Variants in DNAH2 observed in about 807,000 individuals in gnomAD.
The protein encoded by DNAH2 is dynein axonemal heavy chain 2, also known as axonemal beta dynein heavy chain 2.
DNAH2 carries 323 observed loss-of-function variants against 523.5 expected under a neutral mutation model. The ratio of observed to expected loss-of-function variants is 0.62; its 90% CI spans 0.56 to 0.68. The LOEUF (loss-of-function observed/expected upper bound fraction) is 0.68, where lower values mean the gene tolerates loss of function less well. Ranked by LOEUF, DNAH2 falls within the 30% of genes least tolerant of loss-of-function variation. DNAH2 has a pLI of 0.00. For synonymous variants in DNAH2, 2,093 were observed against 2,177.4 expected (o/e 0.96, Z 1.08); for missense variants, 4,907 against 5,701.5 (o/e 0.86, Z 4.49).
intron 56 of DNAH2, among the ~76,000 whole-genome samples, chr17:7,799,837 A>C (rs1291528483): frequency 1.3e-5 from 2 of 152,146 alleles, no homozygotes; most frequent in Non-Finnish European, 2.9e-5. Flanking sequence ...ACACACACAC[A>C]CACCCAAAAT....
intron 12 of DNAH2, among the ~76,000 whole-genome samples, chr17:7,755,348 CACAAT>C: frequency 3.3e-4 from 1 of 3,058 alleles, no homozygotes; most frequent in East Asian, 0.026. Flanking sequence ...CAGCCTTTCC[CACAAT>C]GACCTTCTCC....
chr17:7,719,451 T>C (rs1051596171), intron 1 of DNAH2, among the ~76,000 whole-genome samples: 3 of 152,078 alleles, frequency 2.0e-5, no homozygotes, highest in African/African-American at 4.8e-5. Flanking sequence ...TTAACTCCCA[T>C]TTGTTCCTAG....
chr17:7,805,054 G>T lies in DNAH2; in HGVS notation c.9280G>T (p.Ala3094Ser). ...AQKDLEEALP[A>S]LEEAMRALES... The stretch of plus-strand genomic sequence containing the variant: ...GAAAGATCTAGAAGAGGCACTGCCC[G>T]CCCTGGAAGAGGCCATGCGGGTACC... Residue 3094 changes from alanine to serine, a missense_variant, in exon 60 of 86, where the codon GCC becomes TCC. Coordinates refer to ENST00000572933, the MANE Select transcript of DNAH2 (RefSeq NM_020877.5). The T allele has an allele frequency of 1.2e-6, 2 of 1,614,026 alleles. No individual in the cohort carries two copies. Among genetic ancestry groups the T allele is most frequent in the South Asian group, 2.2e-5 (2 of 91,072 alleles).
chr17:7,727,525 G>A (rs1416946906), intron 4 of DNAH2, among the ~76,000 whole-genome samples: 2 of 152,046 alleles, frequency 1.3e-5, no homozygotes, highest in East Asian at 1.9e-4. Context: ...AGGCCGAGGC[G>A]GGTGGGCGGA....
At chr17:7,736,901 G>A (rs1328623700) in intron 7 of DNAH2, among the ~76,000 whole-genome samples, 166 bp from the exon 8 acceptor site, 1 of 152,202 alleles carries the variant, frequency 6.6e-6, no homozygotes, top group Non-Finnish European at 1.5e-5. Flanking sequence ...AGAATTGCTT[G>A]AACCTGGCAG....
At chr17:7,727,460 A>G (rs1402805493) in intron 4 of DNAH2, among the ~76,000 whole-genome samples, 168 bp downstream of exon 4, 1 of 152,190 alleles carries the variant, frequency 6.6e-6, no homozygotes, top group Non-Finnish European at 1.5e-5. Flanking sequence ...ATGACGCAAG[A>G]ACGCTGTCAT....
At chr17:7,752,536 C>T (rs1276541714) in intron 12 of DNAH2, among the ~76,000 whole-genome samples, 3 of 152,218 alleles carry the variant, frequency 2.0e-5, no homozygotes, top group Non-Finnish European at 4.4e-5. Context: ...TGGTGAAACC[C>T]TGTCTCTACT....
intron 56 of DNAH2, among the ~76,000 whole-genome samples, chr17:7,799,590 G>A (rs2077166013): frequency 6.6e-6 from 1 of 152,148 alleles, no homozygotes; most frequent in Non-Finnish European, 1.5e-5. Flanking sequence ...GCCTAGGTGG[G>A]TGGATCACGA....
In DNAH2 at chr17:7,801,573, C is replaced by G. The variant is rs1255750395; in HGVS notation, c.8700-5C>G. On this transcript the variant is annotated splice_polypyrimidine_tract_variant and splice_region_variant and intron_variant, in intron 56 of 85. Coordinates refer to ENST00000572933, the MANE Select transcript of DNAH2 (RefSeq NM_020877.5). ...AATTTACAGCCTCTCCAAACCCCTT[C>G]CCAGGAACTGGATCCGCCAGTACCC... 6.2e-7 allele frequency: 1 copy of G among 1,614,032 alleles called. No homozygotes were observed. The highest frequency in any genetic ancestry group is 1.3e-5 in the African/African-American group (1 of 74,918).
chr17:7,727,331 A>G (rs2074848436), intron 4 of DNAH2, 39 bp downstream of exon 4: 3 of 1,574,670 alleles, frequency 1.9e-6, no homozygotes, highest in Non-Finnish European at 2.6e-6. Context: ...GTGGTCCTAC[A>G]GAGAGCCGAG....
chr17:7,798,371 A>G lies in DNAH2; in HGVS notation c.8398+47A>G. 1.3e-6 allele frequency: 2 copies of G among 1,574,582 alleles called. No homozygotes were observed. Among genetic ancestry groups the G allele is most frequent in the Non-Finnish European group, 1.7e-6 (2 of 1,158,520 alleles). The stretch of plus-strand genomic sequence containing the variant: ...GCTAGGAATAAAAGATCAGATGCAT[A>G]CATTCCTGCAGTGACAAGAGAGGAG... On this transcript the variant is annotated intron_variant, in intron 54 of 85. Coordinates refer to ENST00000572933, the MANE Select transcript of DNAH2 (RefSeq NM_020877.5). The surrounding 1 kb of genome is among the most constrained non-coding windows in gnomAD (Gnocchi z 5.5).
At chr17:7,725,525 C>T (rs902860055) in intron 3 of DNAH2, among the ~76,000 whole-genome samples, 5 of 150,864 alleles carry the variant, frequency 3.3e-5, no homozygotes, top group Non-Finnish European at 5.9e-5. Flanking sequence ...CTCCGCCTCC[C>T]GGGCTCAAGC....
chr17:7,833,683 AG>A lies in DNAH2; in HGVS notation c.*151del. Reference sequence around the variant, plus strand: ...GGCCCTGGAGATACCTAGTTGTGTTAGCCATAAAAGTGAAAGAGTTGTATTG... The same window carrying A: ...GGCCCTGGAGATACCTAGTTGTGTTACCATAAAAGTGAAAGAGTTGTATTG... On this transcript the variant is annotated 3_prime_UTR_variant, in exon 86 of 86. Coordinates refer to ENST00000572933, the MANE Select transcript of DNAH2 (RefSeq NM_020877.5). 9.3e-7 allele frequency: 1 copy of A among 1,078,600 alleles called. No individual in the cohort carries two copies. Among genetic ancestry groups the A allele is most frequent in the Non-Finnish European group, 1.4e-6 (1 of 729,052 alleles). 66.8% of individuals were successfully genotyped at this position (1,078,600 alleles called of 1,614,324 possible).
intron 77 of DNAH2, among the ~76,000 whole-genome samples, chr17:7,825,467 G>T (rs960298257): frequency 7.2e-5 from 11 of 152,130 alleles, no homozygotes; most frequent in African/African-American, 2.7e-4. Flanking sequence ...TTGGCCACTT[G>T]GGGCAGCTGT....
chr17:7,753,279 G>C (rs185987085), intron 12 of DNAH2, among the ~76,000 whole-genome samples: 1 of 152,106 alleles, frequency 6.6e-6, no homozygotes, highest in Non-Finnish European at 1.5e-5. Context: ...CATTGAGTTT[G>C]AGGTGCTTGT....
intron 36 of DNAH2, among the ~76,000 whole-genome samples, chr17:7,779,677 G>T (rs999644287): frequency 3.9e-5 from 6 of 152,146 alleles, no homozygotes; most frequent in African/African-American, 1.4e-4. Context: ...AAGATACTTA[G>T]CTTTCTTCTC....
intron 13 of DNAH2, 73 bp downstream of exon 13, chr17:7,757,310 A>G: frequency 6.6e-7 from 1 of 1,524,358 alleles, no homozygotes. Flanking sequence ...TCTGCCCTGT[A>G]ATGTTGTTCA....
Position 7,781,181 on chromosome 17 carries a change from A to C in DNAH2, c.6129+14A>C. 1.2e-6 allele frequency: 2 copies of C among 1,614,166 alleles called. No individual in the cohort carries two copies. The highest frequency in any genetic ancestry group is 1.7e-6 in the Non-Finnish European group (2 of 1,180,010). Reference sequence around the variant, plus strand: ...GACTATGGCAAGGTATTTGTTCCTTAATACTCTCCCTGACCGGGTGCTGTG... The same window carrying C: ...GACTATGGCAAGGTATTTGTTCCTTCATACTCTCCCTGACCGGGTGCTGTG... On this transcript the variant is annotated intron_variant, in intron 39 of 85. Coordinates refer to ENST00000572933, the MANE Select transcript of DNAH2 (RefSeq NM_020877.5).
Position 7,817,666 on chromosome 17 carries a change from G to A in DNAH2, c.10126G>A (p.Ala3376Thr), listed in dbSNP as rs751113038. The change falls in exon 66 of 86, where the codon GCC becomes ACC. Residue 3376 changes from alanine (A) to threonine (T), a missense_variant. Around this residue, in one of 3 missense-constraint regions of DNAH2, gnomAD observed 1,851 missense variants for 2,139.4 expected, o/e 0.87. Transcript: ENST00000572933. ...DWNIQGLPSD[A>T]FSTENGIIVT... ...GAACATCCAAGGGTTGCCCTCAGAC[G>A]CCTTCTCCACTGAGAATGGCATCAT... The A allele has an allele frequency of 2.8e-5, 45 of 1,613,982 alleles. No individual in the cohort carries two copies. Among genetic ancestry groups the A allele is most frequent in the East Asian group, 6.7e-5 (3 of 44,890 alleles).
Sources: gnomAD v4.1 joint callset for allele counts (sites outside exome capture counted in the v4.1 genomes callset) on GRCh38, gnomAD v4.1.1 for gene constraint, gnomAD v4.1.1 regional missense constraint, Gnocchi (gnomAD v3.1) non-coding constraint, MANE v1.5 for transcripts, NCBI Gene and HGNC (gene_info 2026-07-23, HGNC 2026-07-21) for gene names.